The following CDH18 variants were observed in gnomAD, a reference collection of about 807,000 sequenced individuals.
The protein encoded by CDH18 is cadherin 18, also known as cadherin-18.
In CDH18, 31 loss-of-function variants were observed where a neutral mutation model predicts 67.9. The observed-to-expected ratio is 0.46, with a 90% CI of 0.34 to 0.62. The LOEUF is 0.62. CDH18 is among the 20% of genes least tolerant of loss of function. CDH18 has a pLI of 0.01. For missense variants in CDH18, 890 were observed against 975.5 expected (o/e 0.91, Z 1.17); for synonymous variants, 362 against 347.2 (o/e 1.04, Z -0.48).
intron 2 of CDH18, among the ~76,000 whole-genome samples, chr5:20,111,021 T>C (rs1747413076): frequency 6.6e-6 from 1 of 152,150 alleles, no homozygotes; most frequent in African/African-American, 2.4e-5. Flanking sequence ...AAAAGCTGAG[T>C]TAGGTAAGTC....
chr5:20,511,562 A>G (rs1034866463), intron 1 of CDH18, among the ~76,000 whole-genome samples: 1 of 152,214 alleles, frequency 6.6e-6, no homozygotes, highest in African/African-American at 2.4e-5. Flanking sequence ...ATGAACAGTG[A>G]ATGGAATTAT....
chr5:19,720,342 T>A (rs1358459492), intron 5 of CDH18, among the ~76,000 whole-genome samples: 3 of 152,188 alleles, frequency 2.0e-5, no homozygotes, highest in Non-Finnish European at 4.4e-5. Context: ...CAGATGTTGA[T>A]CTGATTCAGA....
intron 2 of CDH18, among the ~76,000 whole-genome samples, chr5:19,943,431 C>T (rs889643172): frequency 1.3e-5 from 2 of 151,982 alleles, no homozygotes; most frequent in Admixed American, 6.6e-5. Context: ...ATATGAATCC[C>T]AAGATAGAGC....
upstream of CDH18, among the ~76,000 whole-genome samples, chr5:19,989,358 A>G (rs1200610101): frequency 6.6e-6 from 1 of 152,224 alleles, no homozygotes; most frequent in Admixed American, 6.5e-5. Context: ...ACAAGGACTT[A>G]AGACTAAGAG....
intron 11 of CDH18, among the ~76,000 whole-genome samples, chr5:19,498,332 A>T (rs967103652): frequency 6.6e-6 from 1 of 152,198 alleles, no homozygotes; most frequent in Admixed American, 6.6e-5. Flanking sequence ...GACATGAAGA[A>T]ATGCAAGAGT....
intron 5 of CDH18, among the ~76,000 whole-genome samples, chr5:19,719,128 T>A (rs1406662913): frequency 6.6e-6 from 1 of 152,036 alleles, no homozygotes; most frequent in Non-Finnish European, 1.5e-5. Flanking sequence ...ACAAAATTGA[T>A]GTTTGTTAAC....
intron 2 of CDH18, among the ~76,000 whole-genome samples, chr5:20,133,393 T>C (rs934383875): frequency 6.6e-6 from 1 of 152,104 alleles, no homozygotes; most frequent in African/African-American, 2.4e-5. Context: ...ATGAGACTTA[T>C]TCACTATCAC....
At chr5:20,142,161 G>A (rs1288144505) in intron 2 of CDH18, among the ~76,000 whole-genome samples, 2 of 152,080 alleles carry the variant, frequency 1.3e-5, no homozygotes, top group Non-Finnish European at 2.9e-5. Context: ...AGTTCAGTTA[G>A]TTACAGAGAA....
intron 1 of CDH18, among the ~76,000 whole-genome samples, chr5:20,356,800 T>C (rs1741660445): frequency 6.7e-6 from 1 of 149,342 alleles, no homozygotes. Context: ...TACCTATGTA[T>C]GCGTATATAT....
intron 2 of CDH18, among the ~76,000 whole-genome samples, chr5:20,224,455 T>G (rs1231966354): frequency 6.6e-6 from 1 of 152,072 alleles, no homozygotes; most frequent in Non-Finnish European, 1.5e-5. Flanking sequence ...TGAATATGTT[T>G]TTTAATGGTT....
At chr5:20,172,226 A>ATATATATATATATATATATG (rs1736861001) in intron 2 of CDH18, among the ~76,000 whole-genome samples, 1 of 105,852 alleles carries the variant, frequency 9.4e-6, no homozygotes, top group Non-Finnish European at 1.8e-5. Context: ...ATATATATGT[A>ATATATATATATATATATATG]TATATATATA....
At chr5:19,746,087 A>T (rs939536084) in intron 4 of CDH18, among the ~76,000 whole-genome samples, 3 of 152,152 alleles carry the variant, frequency 2.0e-5, no homozygotes, top group South Asian at 2.1e-4. Context: ...GAGTCTCATA[A>T]AGATAGTCGA....
chr5:19,890,950 A>T (rs1788725545), intron 2 of CDH18, among the ~76,000 whole-genome samples: 1 of 152,192 alleles, frequency 6.6e-6, no homozygotes, highest in Non-Finnish European at 1.5e-5. Context: ...GAAAAAGAAG[A>T]TTTAGTTACA....
At chr5:20,338,138 G>T (rs1161499144) in intron 1 of CDH18, among the ~76,000 whole-genome samples, 2 of 152,196 alleles carry the variant, frequency 1.3e-5, no homozygotes, top group Admixed American at 6.5e-5. Context: ...TGAGATTTGG[G>T]TGGAGGCACA....
chr5:20,299,644 A>G (rs1267342201), intron 1 of CDH18, among the ~76,000 whole-genome samples: 2 of 151,520 alleles, frequency 1.3e-5, no homozygotes, highest in African/African-American at 4.9e-5. Context: ...CTGTAGTCCC[A>G]GCTACTCTGG....
At chr5:20,091,240 C>A (rs1481888248) in intron 2 of CDH18, among the ~76,000 whole-genome samples, 2 of 151,990 alleles carry the variant, frequency 1.3e-5, no homozygotes, top group Non-Finnish European at 2.9e-5. Context: ...AATCCCTGCC[C>A]TTTGAGAGGC....
intron 1 of CDH18, among the ~76,000 whole-genome samples, chr5:20,370,050 T>G (rs951253247): frequency 1.3e-5 from 2 of 152,188 alleles, no homozygotes; most frequent in African/African-American, 4.8e-5. Flanking sequence ...ATCTTTTATT[T>G]CTAGAGATAT....
At chr5:20,416,044 T>C (rs1313899484) in intron 1 of CDH18, among the ~76,000 whole-genome samples, 3 of 152,154 alleles carry the variant, frequency 2.0e-5, no homozygotes, top group Non-Finnish European at 2.9e-5. Context: ...GCAAGATAAG[T>C]ACGTTCTAGA....
At chr5:20,451,765 A>G (rs1750469891) in intron 1 of CDH18, among the ~76,000 whole-genome samples, 1 of 152,194 alleles carries the variant, frequency 6.6e-6, no homozygotes, top group Non-Finnish European at 1.5e-5. Context: ...ATTTCAGTGT[A>G]TCTGAATTCA....
Sources: gnomAD v4.1 joint callset for allele counts (sites outside exome capture counted in the v4.1 genomes callset) on GRCh38, gnomAD v4.1.1 for gene constraint, MANE v1.5 for transcripts, NCBI Gene and HGNC (gene_info 2026-07-23, HGNC 2026-07-21) for gene names.